SHROOM2: variants seen among roughly 807,000 people sequenced by gnomAD.
SHROOM2 encodes the protein shroom family member 2.
SHROOM2 carries 33 observed loss-of-function variants against 75.9 expected under a neutral mutation model. The observed-to-expected ratio is 0.43, with a 90% confidence interval of 0.33 to 0.58. The LOEUF (loss-of-function observed/expected upper bound fraction) is 0.58. Among genes scored for constraint, SHROOM2 ranks in the 20% least tolerant of loss-of-function variants. SHROOM2 has a pLI of 0.04. For missense variants in SHROOM2, 1,434 were observed against 1,461.2 expected (o/e 0.98, Z 0.30); for synonymous variants, 655 against 663.6 (o/e 0.99, Z 0.20).
At chrX:9,868,727 CTTTTTTTTT>C (rs56343437) in intron 1 of SHROOM2, among the ~76,000 whole-genome samples, 1 of 28,706 alleles carries the variant, frequency 3.5e-5, no homozygotes, top group Non-Finnish European at 5.6e-5. Flanking sequence ...ATTTTTTACC[CTTTTTTTTT>C]TTTTTTTTTT....
intron 6 of SHROOM2, among the ~76,000 whole-genome samples, chrX:9,936,841 C>T (rs981145368): frequency 1.8e-5 from 2 of 112,230 alleles, no homozygotes; most frequent in African/African-American, 6.5e-5. Flanking sequence ...TTAAATAGTC[C>T]TCACAGCCCT....
chrX:9,888,051 T>C (rs760357263), intron 2 of SHROOM2, among the ~76,000 whole-genome samples: 14 of 113,187 alleles, frequency 1.2e-4, no homozygotes, highest in African/African-American at 4.2e-4. Flanking sequence ...CTCCTCCCTC[T>C]TGACTCGTCA....
Position 9,858,633 on chromosome X carries a change from G to A in SHROOM2, c.166-15019G>A, listed in dbSNP as rs2084085663. Reference sequence around the variant, plus strand: ...CTTGGCCAACATGGTGAAACCCCGTGTCTACTAAAAATACAAAAACAATTA... The same window carrying A: ...CTTGGCCAACATGGTGAAACCCCGTATCTACTAAAAATACAAAAACAATTA... On this transcript the variant is annotated intron_variant, in intron 1 of 9. Transcript: ENST00000380913. 2.8e-5 allele frequency among the ~76,000 whole-genome samples: 3 copies of A among 108,657 alleles called. No individual in the cohort carries two copies. In the Admixed American group the frequency reaches 2.9e-4, roughly 11 times the overall value. The allele number at this position is 108,657 out of a possible 115,157, so 94.4% of individuals were successfully genotyped here.
chrX:9,915,482 C>T (rs1182256338), intron 5 of SHROOM2, among the ~76,000 whole-genome samples: 4 of 112,064 alleles, frequency 3.6e-5, no homozygotes, highest in Non-Finnish European at 5.6e-5. Context: ...AAGCCTACTT[C>T]GGTCTTCTTG....
At chrX:9,900,198 G>T (rs1329039072) in intron 5 of SHROOM2, among the ~76,000 whole-genome samples, 1 of 110,948 alleles carries the variant, frequency 9.0e-6, no homozygotes, top group Admixed American at 9.6e-5. Context: ...AGAATTGTTG[G>T]GTGCGGTTTT....
intron 1 of SHROOM2, chrX:9,819,062 A>T: frequency 1.7e-6 from 2 of 1,172,928 alleles, no homozygotes; most frequent in East Asian, 5.9e-5. Flanking sequence ...CACTGTCACT[A>T]TTCTCAGGTG....
intron 1 of SHROOM2, among the ~76,000 whole-genome samples, chrX:9,831,730 G>T (rs1052603497): frequency 2.7e-5 from 3 of 111,775 alleles, no homozygotes; most frequent in African/African-American, 9.8e-5. Flanking sequence ...ATCCAAGATC[G>T]AGGCGTGGCA....
intron 1 of SHROOM2, among the ~76,000 whole-genome samples, chrX:9,818,070 G>T (rs2083832724): frequency 8.9e-6 from 1 of 112,148 alleles, no homozygotes; most frequent in Non-Finnish European, 1.9e-5. Flanking sequence ...GGACTCCCTG[G>T]ATGTCTCATT....
At chrX:9,938,113 C>T (rs1223094279) in intron 7 of SHROOM2, among the ~76,000 whole-genome samples, 2 of 79,375 alleles carry the variant, frequency 2.5e-5, no homozygotes, top group Non-Finnish European at 5.7e-5. Context: ...ACAGGAGGGC[C>T]CCCCCCACAG....
intron 2 of SHROOM2, among the ~76,000 whole-genome samples, chrX:9,888,157 A>G (rs1042484713): frequency 1.8e-5 from 2 of 112,927 alleles, no homozygotes; most frequent in Non-Finnish European, 3.8e-5. Flanking sequence ...TTCCCCCATG[A>G]CAGGGGCCTT....
chrX:9,875,275 C>T (rs1169319739), intron 2 of SHROOM2, among the ~76,000 whole-genome samples: 1 of 108,392 alleles, frequency 9.2e-6, no homozygotes, highest in Non-Finnish European at 1.9e-5. Flanking sequence ...ACAAGAGGCA[C>T]CATGACACTG....
chrX:9,929,119 A>G (rs1383383546), intron 5 of SHROOM2, among the ~76,000 whole-genome samples: 1 of 112,773 alleles, frequency 8.9e-6, no homozygotes, highest in Non-Finnish European at 1.9e-5. Flanking sequence ...TGCCTCTTGG[A>G]ACCAGTTAGA....
At chrX:9,800,370 A>G (rs2083717669) in intron 1 of SHROOM2, among the ~76,000 whole-genome samples, 1 of 110,473 alleles carries the variant, frequency 9.1e-6, no homozygotes, top group Admixed American at 9.7e-5. Flanking sequence ...AGATGGAGTC[A>G]TGCTCTGTCA....
At chrX:9,877,230 C>T (rs1448274025) in intron 2 of SHROOM2, among the ~76,000 whole-genome samples, 2 of 111,653 alleles carry the variant, frequency 1.8e-5, no homozygotes, top group African/African-American at 3.3e-5. Context: ...TCACTATCTC[C>T]GCAGACAAAT....
intron 1 of SHROOM2, among the ~76,000 whole-genome samples, chrX:9,849,996 G>T (rs765809831): frequency 3.6e-5 from 4 of 112,051 alleles, no homozygotes; most frequent in Admixed American, 9.5e-5. Flanking sequence ...ATTGGGGACA[G>T]TGGTTTCCTG....
intron 5 of SHROOM2, 71 bp from the exon 6 acceptor site, chrX:9,932,104 C>T (rs1241540970): frequency 2.1e-6 from 2 of 972,203 alleles, no homozygotes; most frequent in East Asian, 3.3e-5. Flanking sequence ...TGTGAAGATC[C>T]AGGTCCAGTC....
chrX:9,838,281 C>T (rs1008958251), intron 1 of SHROOM2, among the ~76,000 whole-genome samples: 4 of 109,951 alleles, frequency 3.6e-5, no homozygotes, highest in African/African-American at 1.3e-4. Flanking sequence ...AGGATGGTCT[C>T]GATCTCCTGA....
chrX:9,822,501 G>A (rs777642183), intron 1 of SHROOM2, among the ~76,000 whole-genome samples: 4 of 112,949 alleles, frequency 3.5e-5, no homozygotes, highest in Non-Finnish European at 7.5e-5. Context: ...TAAGGGATGC[G>A]AGTGGTACCA....
chrX:9,932,762 G>A lies in SHROOM2; in HGVS notation c.3479G>A (p.Arg1160His), dbSNP rs1450051673. ...CTCCCTCCCAAGCAGCAGCACCTGC[G>A]CCTGCAGACGGCCACCATGGAGACC... ...ALLPPKQQHL[R>H]LQTATMETSR... is the part of the protein sequence containing the mutation. Residue 1160 changes from arginine (R) to histidine (H), a missense_variant, in exon 6 of 10, where the codon CGC (arginine) becomes CAC (histidine). By Grantham distance (29) the Arg-to-His change is conservative. Around this residue, in one of 3 missense-constraint regions of SHROOM2, gnomAD observed 1,340 missense variants for 1,338.3 expected, o/e 1.00. Coordinates refer to ENST00000380913, the MANE Select transcript of SHROOM2 (RefSeq NM_001649.4). 13 of 1,210,331 alleles carry A rather than the reference G, an allele frequency of 1.1e-5. No individual in the cohort carries two copies. The highest frequency in any genetic ancestry group is 7.0e-5 in the South Asian group (4 of 56,993).
Sources: gnomAD v4.1 joint callset for allele counts (sites outside exome capture counted in the v4.1 genomes callset) on GRCh38, gnomAD v4.1.1 for gene constraint, gnomAD v4.1.1 regional missense constraint, MANE v1.5 for transcripts, NCBI Gene and HGNC (gene_info 2026-07-23, HGNC 2026-07-21) for gene names.